DCDC1: variants seen among roughly 807,000 people sequenced by gnomAD.
DCDC1 encodes doublecortin domain-containing protein 1.
Under a neutral mutation model 178.3 loss-of-function variants are expected in DCDC1, and 200 were observed. That is an observed-to-expected ratio of 1.12 (90% CI 1.00 to 1.26). The LOEUF (loss-of-function observed/expected upper bound fraction) is 1.26, where lower values mean the gene tolerates loss of function less well. DCDC1 is among the 50% of genes most tolerant of loss of function. The pLI is 0.00. For synonymous variants in DCDC1, 690 were observed against 604.8 expected (o/e 1.14, Z -2.07); for missense variants, 1,983 against 1,749.2 (o/e 1.13, Z -2.38).
chr11:31,118,047 T>C (rs1960231863), intron 11 of DCDC1, among the ~76,000 whole-genome samples: 1 of 152,166 alleles, frequency 6.6e-6, no homozygotes, highest in South Asian at 2.1e-4. Flanking sequence ...TATTTATTTT[T>C]ATAGAAAGTC....
intron 9 of DCDC1, among the ~76,000 whole-genome samples, chr11:31,179,247 A>G (rs141716249): frequency 3.5e-4 from 53 of 152,312 alleles, no homozygotes; most frequent in African/African-American, 1.2e-3. Context: ...GGTGGGATTG[A>G]AAACTACTAC....
intron 9 of DCDC1, among the ~76,000 whole-genome samples, chr11:31,211,048 G>C: frequency 6.6e-6 from 1 of 152,132 alleles, no homozygotes; most frequent in Non-Finnish European, 1.5e-5. Context: ...GTTGATCTCT[G>C]GACTACTTCA....
chr11:31,047,379 C>T (rs563117766), intron 20 of DCDC1, among the ~76,000 whole-genome samples: 23 of 152,072 alleles, frequency 1.5e-4, no homozygotes, highest in African/African-American at 5.3e-4. Context: ...AATGTAACTA[C>T]AACAGCCAGA....
At chr11:31,054,105 A>G (rs1260268932) in intron 20 of DCDC1, among the ~76,000 whole-genome samples, 4 of 152,098 alleles carry the variant, frequency 2.6e-5, no homozygotes, top group Non-Finnish European at 5.9e-5. Flanking sequence ...TCCTAAGACT[A>G]ATAAAAGAAT....
intron 9 of DCDC1, among the ~76,000 whole-genome samples, chr11:31,164,118 A>G (rs1966567109): frequency 6.6e-6 from 1 of 152,180 alleles, no homozygotes; most frequent in African/African-American, 2.4e-5. Flanking sequence ...GAAAGGGCAA[A>G]GGACAAATCA....
At chr11:31,090,926 T>C (rs1192396139) in intron 17 of DCDC1, among the ~76,000 whole-genome samples, 1 of 152,230 alleles carries the variant, frequency 6.6e-6, no homozygotes, top group Non-Finnish European at 1.5e-5. Flanking sequence ...TCCTTTATTA[T>C]ATCTTCCTAA....
chr11:30,968,711 T>TTATATATATATATATATATATA (rs71451193), intron 20 of DCDC1, among the ~76,000 whole-genome samples: 1,741 of 60,740 alleles, frequency 0.029, 196 homozygotes, highest in Non-Finnish European at 0.033. Flanking sequence ...ATATATCAAA[T>TTATATATATATATATATATATA]TATATATATA....
chr11:31,145,076 T>C (rs1964290960), intron 9 of DCDC1, among the ~76,000 whole-genome samples: 1 of 152,242 alleles, frequency 6.6e-6, no homozygotes, highest in South Asian at 2.1e-4. Flanking sequence ...AAAGTGATAG[T>C]TAATAGTACC....
intron 9 of DCDC1, among the ~76,000 whole-genome samples, chr11:31,171,252 A>G (rs970245695): frequency 7.9e-5 from 12 of 152,220 alleles, no homozygotes; most frequent in African/African-American, 2.9e-4. Flanking sequence ...AGGGCCAGAT[A>G]ACAAGTGTTT....
At chr11:30,994,184 T>C (rs544717395) in intron 20 of DCDC1, among the ~76,000 whole-genome samples, 7 of 152,154 alleles carry the variant, frequency 4.6e-5, no homozygotes, top group Non-Finnish European at 8.8e-5. Context: ...ATACTTACCA[T>C]AGACTAAATA....
At chr11:31,016,088 T>G (rs1417835006) in intron 20 of DCDC1, among the ~76,000 whole-genome samples, 1 of 152,194 alleles carries the variant, frequency 6.6e-6, no homozygotes, top group Non-Finnish European at 1.5e-5. Context: ...TGTCACCTTT[T>G]AACTGAGAGA....
intron 20 of DCDC1, among the ~76,000 whole-genome samples, chr11:31,011,680 A>G (rs1290900454): frequency 6.6e-6 from 1 of 152,244 alleles, no homozygotes; most frequent in Non-Finnish European, 1.5e-5. Flanking sequence ...AATAAAGTTG[A>G]AAGTATGTGT....
At chr11:30,867,811 A>G (rs536506751) in intron 38 of DCDC1, among the ~76,000 whole-genome samples, 1 of 152,336 alleles carries the variant, frequency 6.6e-6, no homozygotes, top group Admixed American at 6.5e-5. Context: ...GAGAGAGGAA[A>G]AAATAAAATC....
intron 20 of DCDC1, among the ~76,000 whole-genome samples, chr11:31,020,584 G>T (rs1248112470): frequency 2.0e-5 from 3 of 152,004 alleles, no homozygotes; most frequent in Admixed American, 6.6e-5. Flanking sequence ...ATATCTCTTA[G>T]ATTATTTTAT....
chr11:31,249,424 G>A (rs2136963446), intron 8 of DCDC1, among the ~76,000 whole-genome samples: 1 of 152,244 alleles, frequency 6.6e-6, no homozygotes, highest in East Asian at 1.9e-4. Flanking sequence ...AACCTCTGTA[G>A]ATCAATAGTA....
intron 21 of DCDC1, among the ~76,000 whole-genome samples, chr11:30,946,101 T>C (rs1332587242): frequency 6.6e-6 from 1 of 152,154 alleles, no homozygotes; most frequent in African/African-American, 2.4e-5. Flanking sequence ...ATAAATCATA[T>C]ACCATTGGGA....
At chr11:31,314,557 T>A (rs1479006369) in intron 3 of DCDC1, 1 of 152,230 alleles carries the variant, frequency 6.6e-6, no homozygotes, top group African/African-American at 2.4e-5. Context: ...TCTCATCTGA[T>A]GCTCAGGGTC....
chr11:31,054,459 C>G lies in DCDC1; in HGVS notation c.2591+10010G>C, dbSNP rs536830495. Among the ~76,000 whole-genome samples, 3 of 152,106 alleles carry G rather than the reference C, an allele frequency of 2.0e-5. No individual in the cohort carries two copies. The South Asian group carries it at 6.2e-4, about 32-fold the overall frequency. ...AATGCAATTCCCATCAAAATACCAC[C>G]ATCATTCTTCACAGAATTAGAAAAG... On this transcript the variant is annotated intron_variant, in intron 20 of 38. Coordinates refer to ENST00000684477, the MANE Select transcript of DCDC1 (RefSeq NM_001387274.1).
intron 7 of DCDC1, among the ~76,000 whole-genome samples, chr11:31,286,415 T>C (rs1022777714): frequency 7.2e-5 from 11 of 152,008 alleles, no homozygotes; most frequent in African/African-American, 2.4e-5. Flanking sequence ...ACTATATTAT[T>C]ATATAGCACA....
Sources: gnomAD v4.1 joint callset for allele counts (sites outside exome capture counted in the v4.1 genomes callset) on GRCh38, gnomAD v4.1.1 for gene constraint, MANE v1.5 for transcripts, NCBI Gene and HGNC (gene_info 2026-07-23, HGNC 2026-07-21) for gene names.